Variants in NRG3 observed in about 807,000 individuals in gnomAD.
The protein encoded by NRG3 is neuregulin 3, also known as pro-neuregulin-3, membrane-bound isoform.
Under a neutral mutation model 66.9 loss-of-function variants are expected in NRG3, and 31 were observed. The ratio of observed to expected loss-of-function variants is 0.46; its 90% CI spans 0.35 to 0.63. The LOEUF is 0.63. Among genes scored for constraint, NRG3 ranks in the 20% least tolerant of loss-of-function variants. The pLI is 0.00. For missense variants in NRG3, 910 were observed against 878.9 expected, an observed-to-expected ratio of 1.04 and a Z score of -0.45; for synonymous variants, 393 against 359.4, an observed-to-expected ratio of 1.09 and a Z score of -1.06.
chr10:82,582,950 A>G (rs904383918), intron 2 of NRG3, among the ~76,000 whole-genome samples: 2 of 152,172 alleles, frequency 1.3e-5, no homozygotes, highest in African/African-American at 4.8e-5. Context: ...TTTCTCCCCT[A>G]GGACAGATAA....
chr10:82,482,635 C>T, intron 2 of NRG3, among the ~76,000 whole-genome samples: 1 of 152,022 alleles, frequency 6.6e-6, no homozygotes, highest in East Asian at 1.9e-4. Flanking sequence ...TAGGTTTCAC[C>T]CAGACCCACC....
intron 1 of NRG3, among the ~76,000 whole-genome samples, chr10:82,251,490 G>C (rs894839797): frequency 1.3e-5 from 2 of 152,098 alleles, no homozygotes; most frequent in Admixed American, 6.6e-5. Context: ...CTCACAGACT[G>C]CCTGGCTTCA....
intron 3 of NRG3, among the ~76,000 whole-genome samples, chr10:82,822,619 C>A (rs181907597): frequency 6.6e-6 from 1 of 152,254 alleles, no homozygotes; most frequent in Admixed American, 6.5e-5. Context: ...AAATGGGAGG[C>A]ACACACTCTG....
At chr10:82,159,657 T>C (rs574803715) in intron 1 of NRG3, among the ~76,000 whole-genome samples, 1 of 152,042 alleles carries the variant, frequency 6.6e-6, no homozygotes, top group East Asian at 1.9e-4. Context: ...AACCATGCCT[T>C]CGTTAGTTTT....
At chr10:82,835,393 C>G (rs547472544) in intron 3 of NRG3, among the ~76,000 whole-genome samples, 35 of 152,226 alleles carry the variant, frequency 2.3e-4, no homozygotes, top group African/African-American at 7.9e-4. Context: ...TTTCAAACTT[C>G]CGTATTAAAA....
chr10:82,132,520 TATATGATATATATATG>T (rs1188979465), intron 1 of NRG3, among the ~76,000 whole-genome samples: 2 of 10,794 alleles, frequency 1.9e-4, no homozygotes, highest in African/African-American at 4.5e-4. Context: ...ATATATGATA[TATATGATATATATATG>T]ATATATATAT....
intron 2 of NRG3, among the ~76,000 whole-genome samples, chr10:82,521,620 A>G (rs192363424): frequency 0.011 from 1,710 of 152,220 alleles, 16 homozygotes; most frequent in Middle Eastern, 0.068. Flanking sequence ...GATTACAGGC[A>G]TGGCCACCGT....
chr10:82,271,320 A>C (rs1415472310), intron 1 of NRG3, among the ~76,000 whole-genome samples: 1 of 152,070 alleles, frequency 6.6e-6, no homozygotes, highest in Non-Finnish European at 1.5e-5. Context: ...GTAATTGGGC[A>C]GGTAGTTAAC....
At chr10:82,258,098 C>A (rs183683731) in intron 1 of NRG3, among the ~76,000 whole-genome samples, 2 of 152,214 alleles carry the variant, frequency 1.3e-5, no homozygotes, top group African/African-American at 2.4e-5. Context: ...TCTTTGTAAC[C>A]GCTTTGTTAT....
chr10:82,932,813 A>T (rs1399899216), intron 4 of NRG3, among the ~76,000 whole-genome samples: 1 of 152,210 alleles, frequency 6.6e-6, no homozygotes, highest in Admixed American at 6.5e-5. Flanking sequence ...CCTTGTGGTC[A>T]TCAGCAAATA....
At chr10:82,877,744 T>A (rs562549187) in intron 4 of NRG3, among the ~76,000 whole-genome samples, 1 of 152,204 alleles carries the variant, frequency 6.6e-6, no homozygotes, top group South Asian at 2.1e-4. Context: ...AGACTTAAAT[T>A]GAAGTTTTGT....
chr10:82,009,113 G>A (rs113411988), intron 1 of NRG3, among the ~76,000 whole-genome samples: 6 of 152,280 alleles, frequency 3.9e-5, no homozygotes, highest in East Asian at 1.9e-4. Context: ...TTTAAAAGCC[G>A]TATTACTATT....
rs553830318 is a variant in NRG3, at chr10:82,533,457, T to G, written c.953+174589T>G. Among the ~76,000 whole-genome samples, 18 of 152,226 alleles carry G rather than the reference T, an allele frequency of 1.2e-4. No homozygotes were observed. The East Asian group carries it at 3.5e-3, about 29-fold the overall frequency. On this transcript the variant is annotated intron_variant, in intron 2 of 8. Coordinates refer to ENST00000372141, the MANE Select transcript of NRG3 (RefSeq NM_001010848.4). ...TTATGTTGATAATCCGTTTTGATTTTTTTTTTGCATATGGTATAAGATAAA... is the reference window on the plus strand; with the variant it reads ...TTATGTTGATAATCCGTTTTGATTTGTTTTTTGCATATGGTATAAGATAAA...
intron 2 of NRG3, among the ~76,000 whole-genome samples, chr10:82,477,794 G>C (rs1011224911): frequency 6.6e-6 from 1 of 152,190 alleles, no homozygotes; most frequent in Non-Finnish European, 1.5e-5. Flanking sequence ...GAGGGGACAG[G>C]AATGGAATGT....
chr10:82,646,819 G>A (rs1305607115), intron 2 of NRG3, among the ~76,000 whole-genome samples: 1 of 152,092 alleles, frequency 6.6e-6, no homozygotes, highest in Non-Finnish European at 1.5e-5. Flanking sequence ...TGCTTATCCA[G>A]AGGAGAAACA....
At chr10:82,353,876 CTA>C (rs2083592548) in intron 1 of NRG3, among the ~76,000 whole-genome samples, 1 of 152,220 alleles carries the variant, frequency 6.6e-6, no homozygotes, top group East Asian at 1.9e-4. Context: ...CGTTTGTCCT[CTA>C]TGCTGCTGGG....
intron 2 of NRG3, among the ~76,000 whole-genome samples, chr10:82,586,304 T>C (rs964181457): frequency 6.6e-6 from 1 of 151,804 alleles, no homozygotes; most frequent in African/African-American, 2.4e-5. Context: ...AATATGTTTA[T>C]TATCCTTGGG....
At chr10:82,648,613 C>T (rs1360575407) in intron 2 of NRG3, among the ~76,000 whole-genome samples, 30 of 152,194 alleles carry the variant, frequency 2.0e-4, no homozygotes, top group Non-Finnish European at 4.1e-4. Context: ...GCCATTTTCA[C>T]GATATTGATT....
chr10:81,970,351 G>A (rs1043957709), intron 1 of NRG3, among the ~76,000 whole-genome samples: 2 of 152,118 alleles, frequency 1.3e-5, no homozygotes, highest in Non-Finnish European at 2.9e-5. Flanking sequence ...CAGTGTTAAA[G>A]GTAGTGAAGT....
Sources: gnomAD v4.1 joint callset for allele counts (sites outside exome capture counted in the v4.1 genomes callset) on GRCh38, gnomAD v4.1.1 for gene constraint, MANE v1.5 for transcripts, NCBI Gene and HGNC (gene_info 2026-07-23, HGNC 2026-07-21) for gene names.